The following SASH1 variants were observed in gnomAD, a reference collection of about 807,000 sequenced individuals.
SASH1 encodes SAM and SH3 domain-containing protein 1.
SASH1 carries 44 observed loss-of-function variants against 125.2 expected under a neutral mutation model. That is an observed-to-expected ratio of 0.35 (90% CI 0.28 to 0.45). The LOEUF (loss-of-function observed/expected upper bound fraction) is 0.45. Ranked by LOEUF, SASH1 falls within the 20% of genes least tolerant of loss-of-function variation. The probability of loss-of-function intolerance (pLI) is 1.00; values close to 1 mark genes in which losing one functional copy is unlikely to be tolerated. For missense variants in SASH1, 1,426 were observed against 1,614.5 expected (o/e 0.88, Z 2.00); for synonymous variants, 639 against 649.1 (o/e 0.98, Z 0.24).
At chr6:148,430,164 GGTA>G (rs2114974057) in intron 2 of SASH1, among the ~76,000 whole-genome samples, 1 of 152,300 alleles carries the variant, frequency 6.6e-6, no homozygotes, top group Non-Finnish European at 1.5e-5. Flanking sequence ...AAGCACTCTA[GGTA>G]GCATAAGCAG....
chr6:148,360,354 T>G (rs1333468126), intron 1 of SASH1, among the ~76,000 whole-genome samples: 1 of 151,464 alleles, frequency 6.6e-6, no homozygotes. Flanking sequence ...TTTGTTTTTT[T>G]TTTTTTTTTT....
At chr6:148,314,012 C>T (rs1273089472) in intron 1 of SASH1, among the ~76,000 whole-genome samples, 2 of 152,162 alleles carry the variant, frequency 1.3e-5, no homozygotes, top group Non-Finnish European at 2.9e-5. Flanking sequence ...ATAAGCAAGT[C>T]AGGTTGCATT....
In SASH1 at chr6:148,389,613, C is replaced by T. The variant is rs767597433; in HGVS notation, c.157-521C>T. Among the ~76,000 whole-genome samples, 25 of 152,218 alleles carry T rather than the reference C, an allele frequency of 1.6e-4. 1 individual carries two copies. The highest frequency in any genetic ancestry group is 1.8e-4 in the Non-Finnish European group (12 of 68,048). On this transcript the variant is annotated intron_variant, in intron 1 of 19. Transcript: ENST00000367467. ...ATTTGTCCCAGATGCAATTCTCTAT[C>T]GGTTCCTGAATTCTCAGGCTCCCAT...
At chr6:148,481,782 C>G (rs936200609) in intron 7 of SASH1, among the ~76,000 whole-genome samples, 2 of 152,128 alleles carry the variant, frequency 1.3e-5, no homozygotes, top group African/African-American at 4.8e-5. Context: ...GTCACCATAA[C>G]AGATGTAATA....
chr6:148,469,820 G>A (rs912645257), intron 5 of SASH1, among the ~76,000 whole-genome samples: 2 of 152,108 alleles, frequency 1.3e-5, no homozygotes, highest in African/African-American at 4.8e-5. Context: ...GAGATCAGGA[G>A]TTCGAGACCA....
chr6:148,367,214 G>A (rs369753083), intron 1 of SASH1, among the ~76,000 whole-genome samples: 1 of 152,176 alleles, frequency 6.6e-6, no homozygotes, highest in African/African-American at 2.4e-5. Context: ...GTGAGCCACC[G>A]CACCTGGCCA....
intron 1 of SASH1, among the ~76,000 whole-genome samples, chr6:148,378,440 T>C (rs1344388036): frequency 6.6e-6 from 1 of 152,088 alleles, no homozygotes; most frequent in East Asian, 1.9e-4. Flanking sequence ...CTGCAGCCTC[T>C]GCCTCCCTGG....
At chr6:148,327,234 C>T (rs576787243) in intron 1 of SASH1, among the ~76,000 whole-genome samples, 15 of 151,540 alleles carry the variant, frequency 9.9e-5, no homozygotes, top group East Asian at 9.7e-4. Context: ...CATGGAGGAA[C>T]GAACGGACGA....
Position 148,394,863 on chromosome 6 carries a change from C to G in SASH1, c.285+4601C>G, listed in dbSNP as rs868280135. Reference sequence around the variant, plus strand: ...TTCACCATGTTGGTCAGGCTGGTCTCAAACTCCTGATCTCAGGTGATCTAC... The same window carrying G: ...TTCACCATGTTGGTCAGGCTGGTCTGAAACTCCTGATCTCAGGTGATCTAC... On this transcript the variant is annotated intron_variant, in intron 2 of 19. Coordinates refer to ENST00000367467, the MANE Select transcript of SASH1 (RefSeq NM_015278.5). Among the ~76,000 whole-genome samples, 5 of 152,250 alleles carry G rather than the reference C, an allele frequency of 3.3e-5. No individual in the cohort carries two copies. The South Asian group carries it at 6.2e-4, about 19-fold the overall frequency.
intron 1 of SASH1, among the ~76,000 whole-genome samples, chr6:148,273,717 T>C (rs1642108985): frequency 6.6e-6 from 1 of 152,234 alleles, no homozygotes; most frequent in Admixed American, 6.5e-5. Flanking sequence ...GACCCCTGCC[T>C]GGCCTGAGGG....
the SASH1 span, among the ~76,000 whole-genome samples, chr6:148,219,096 C>A: frequency 7.2e-5 from 11 of 152,244 alleles, no homozygotes; most frequent in Non-Finnish European, 1.5e-4. Context: ...TCAAAACATG[C>A]CCACGCAGCA....
chr6:148,286,546 C>G (rs1190969263), intron 1 of SASH1, among the ~76,000 whole-genome samples: 3 of 152,100 alleles, frequency 2.0e-5, no homozygotes, highest in Non-Finnish European at 4.4e-5. Context: ...ATCCAAGTGT[C>G]AGAGATGAAG....
At chr6:148,507,512 C>T (rs551351664) in intron 8 of SASH1, among the ~76,000 whole-genome samples, 14 of 152,156 alleles carry the variant, frequency 9.2e-5, no homozygotes, top group East Asian at 7.7e-4. Flanking sequence ...CTGGGATTAC[C>T]GGTGTATGCC....
intron 2 of SASH1, among the ~76,000 whole-genome samples, chr6:148,428,013 G>A (rs1159642990): frequency 6.6e-6 from 1 of 152,164 alleles, no homozygotes; most frequent in Non-Finnish European, 1.5e-5. Flanking sequence ...AGAAGCCAGA[G>A]GAGAAATTTT....
intron 4 of SASH1, among the ~76,000 whole-genome samples, chr6:148,462,216 G>C (rs1034556599): frequency 6.6e-6 from 1 of 151,970 alleles, no homozygotes; most frequent in African/African-American, 2.4e-5. Flanking sequence ...AATCCCTTAA[G>C]TACAGGTTTT....
At chr6:148,273,778 C>T (rs1040441812) in intron 1 of SASH1, among the ~76,000 whole-genome samples, 2 of 152,200 alleles carry the variant, frequency 1.3e-5, no homozygotes, top group Non-Finnish European at 2.9e-5. Flanking sequence ...AAGTTGAGGC[C>T]TCTCAGGTGG....
At chr6:148,359,634 G>A (rs1254996372) in intron 1 of SASH1, among the ~76,000 whole-genome samples, 1 of 152,132 alleles carries the variant, frequency 6.6e-6, no homozygotes, top group Admixed American at 6.6e-5. Context: ...AGTTTAAGAG[G>A]ATTCATTCCT....
chr6:148,452,937 G>A (rs140747351), intron 4 of SASH1, among the ~76,000 whole-genome samples: 1 of 152,388 alleles, frequency 6.6e-6, no homozygotes, highest in Non-Finnish European at 1.5e-5. Flanking sequence ...ATGCGCTGAA[G>A]CGTGCGTTTG....
chr6:148,490,383 A>AT (rs1204449481), intron 8 of SASH1, among the ~76,000 whole-genome samples: 1 of 151,836 alleles, frequency 6.6e-6, no homozygotes, highest in Non-Finnish European at 1.5e-5. Context: ...TAAGTTTTGT[A>AT]TTTTTTAGTA....
Sources: gnomAD v4.1 joint callset for allele counts (sites outside exome capture counted in the v4.1 genomes callset) on GRCh38, gnomAD v4.1.1 for gene constraint, MANE v1.5 for transcripts, NCBI Gene and HGNC (gene_info 2026-07-23, HGNC 2026-07-21) for gene names.